ZFHX3: variants seen among roughly 807,000 people sequenced by gnomAD.
The protein encoded by ZFHX3 is zinc finger homeobox 3, also known as zinc finger homeobox protein 3.
Under a neutral mutation model 279.1 loss-of-function variants are expected in ZFHX3, and 42 were observed. The ratio of observed to expected loss-of-function variants is 0.15; its 90% confidence interval spans 0.12 to 0.19. ZFHX3 has a LOEUF of 0.19. Ranked by LOEUF, ZFHX3 falls within the 10% of genes least tolerant of loss-of-function variation. The probability of loss-of-function intolerance (pLI) is 1.00; values close to 1 mark genes in which losing one functional copy is unlikely to be tolerated. For synonymous variants in ZFHX3, 2,293 were observed against 1,957.8 expected (o/e 1.17, Z -4.52); for missense variants, 4,981 against 4,754.0 (o/e 1.05, Z -1.40).
chr16:73,437,775 T>G (rs1241431891), intron 3 of ZFHX3, among the ~76,000 whole-genome samples: 1 of 152,218 alleles, frequency 6.6e-6, no homozygotes, highest in Non-Finnish European at 1.5e-5. Context: ...GTGGGAAATA[T>G]TAATCAAAAG....
intron 2 of ZFHX3, among the ~76,000 whole-genome samples, chr16:73,566,948 C>G (rs1387113674): frequency 2.6e-5 from 4 of 152,194 alleles, no homozygotes; most frequent in Non-Finnish European, 5.9e-5. Context: ...ATCCGCCTGC[C>G]TTGGCCTCCC....
intron 5 of ZFHX3, among the ~76,000 whole-genome samples, chr16:72,816,720 A>G (rs1419831322): frequency 6.6e-6 from 1 of 152,206 alleles, no homozygotes. Context: ...TAAAACTCAC[A>G]AAGACAAATA....
chr16:73,146,066 C>T (rs551490928), intron 5 of ZFHX3, among the ~76,000 whole-genome samples: 1 of 152,090 alleles, frequency 6.6e-6, no homozygotes, highest in East Asian at 1.9e-4. Context: ...GGAAGAATTC[C>T]AAAATTTCCC....
At chr16:73,758,749 T>G (rs1286631292) in intron 1 of ZFHX3, among the ~76,000 whole-genome samples, 1 of 152,224 alleles carries the variant, frequency 6.6e-6, no homozygotes, top group Non-Finnish European at 1.5e-5. Flanking sequence ...TCTCCTTTGC[T>G]TGTCCATAGC....
intron 1 of ZFHX3, among the ~76,000 whole-genome samples, chr16:73,842,917 C>T (rs1331288460): frequency 6.6e-6 from 1 of 152,152 alleles, no homozygotes; most frequent in Non-Finnish European, 1.5e-5. Context: ...TTTTCTAACA[C>T]TTATTTTTCT....
chr16:73,141,398 ATT>A (rs34599739), intron 6 of ZFHX3, among the ~76,000 whole-genome samples: 6 of 144,644 alleles, frequency 4.1e-5, no homozygotes, highest in African/African-American at 1.3e-4. Context: ...TCTTTAAATA[ATT>A]TTTTTTTTTT....
chr16:73,875,996 T>C (rs1268760663), intron 1 of ZFHX3, among the ~76,000 whole-genome samples: 7 of 152,234 alleles, frequency 4.6e-5, no homozygotes, highest in Non-Finnish European at 8.8e-5. Context: ...TTAGCCATAG[T>C]AATATTTAAA....
At position 73,359,636 on chromosome 16, in the gene ZFHX3, A is replaced by T. The variant is rs113584258; in HGVS notation, c.-1290-41300T>A. Reference sequence around the variant, plus strand: ...AAGGAAAGGCCCCATGTGGGGATGGAGAGGCCAGCCCTGCCGGACCAGCTG... The same window carrying T: ...AAGGAAAGGCCCCATGTGGGGATGGTGAGGCCAGCCCTGCCGGACCAGCTG... On this transcript the variant is annotated intron_variant, in intron 3 of 17. Coordinates refer to the ZFHX3 transcript ENST00000641206. Among the ~76,000 whole-genome samples, 240 of 152,292 alleles carry T rather than the reference A, an allele frequency of 1.6e-3. 2 individuals carry two copies. Among genetic ancestry groups the T allele is most frequent in the African/African-American group, 5.2e-3 (217 of 41,562 alleles).
chr16:73,336,919 T>G (rs1273706024), intron 3 of ZFHX3, among the ~76,000 whole-genome samples: 2 of 152,050 alleles, frequency 1.3e-5, no homozygotes, highest in Non-Finnish European at 1.5e-5. Context: ...ACCATTTACC[T>G]ATAAGAGCAC....
At chr16:73,127,876 GTGAACA>G (rs1229198495) in intron 7 of ZFHX3, among the ~76,000 whole-genome samples, 2 of 152,300 alleles carry the variant, frequency 1.3e-5, no homozygotes, top group East Asian at 1.9e-4. Context: ...TGAATTAGAT[GTGAACA>G]TGTAACTTGT....
chr16:73,163,873 G>A (rs1967299618), intron 5 of ZFHX3, among the ~76,000 whole-genome samples: 2 of 152,140 alleles, frequency 1.3e-5, no homozygotes, highest in Non-Finnish European at 2.9e-5. Flanking sequence ...TTTAACTGAA[G>A]CTGTATGTTT....
intron 1 of ZFHX3, among the ~76,000 whole-genome samples, chr16:73,857,399 C>T (rs1961761362): frequency 6.6e-6 from 1 of 152,226 alleles, no homozygotes; most frequent in African/African-American, 2.4e-5. Context: ...TTTATAAAGA[C>T]TCCAAGTCCT....
intron 7 of ZFHX3, among the ~76,000 whole-genome samples, chr16:72,804,515 G>T (rs189609441): frequency 1.3e-5 from 2 of 152,144 alleles, no homozygotes; most frequent in African/African-American, 4.8e-5. Flanking sequence ...AACTGCCCTT[G>T]ATCTACTAGG....
At chr16:73,093,837 G>A (rs760943943) in intron 7 of ZFHX3, 9 of 275,816 alleles carry the variant, frequency 3.3e-5, no homozygotes, top group Non-Finnish European at 5.1e-5. Flanking sequence ...GAAGCGAGGC[G>A]GGAAAAGAAA....
intron 2 of ZFHX3, among the ~76,000 whole-genome samples, chr16:73,481,219 C>T (rs903516147): frequency 6.6e-6 from 1 of 152,002 alleles, no homozygotes. Context: ...ATCCCAGCTA[C>T]TTGGAAGGCT....
intron 8 of ZFHX3, among the ~76,000 whole-genome samples, chr16:73,068,557 T>C (rs8051826): frequency 0.17 from 25,958 of 152,212 alleles, 2,919 homozygotes; most frequent in African/African-American, 0.29. Context: ...GGTGTGCCCC[T>C]TGGTTTTCCA....
chr16:72,971,130 G>C (rs529364889), intron 1 of ZFHX3, among the ~76,000 whole-genome samples: 12 of 152,194 alleles, frequency 7.9e-5, no homozygotes, highest in African/African-American at 2.9e-4. Context: ...ACCTAATTTA[G>C]TATGAAATTT....
chr16:73,784,345 G>A (rs2142307305), intron 1 of ZFHX3, among the ~76,000 whole-genome samples: 1 of 152,000 alleles, frequency 6.6e-6, no homozygotes, highest in South Asian at 2.1e-4. Context: ...CATATCTAGT[G>A]CCTGACACCT....
chr16:73,251,977 A>ACACACC (rs2013521545), intron 5 of ZFHX3, among the ~76,000 whole-genome samples: 1 of 89,326 alleles, frequency 1.1e-5, no homozygotes, highest in African/African-American at 7.3e-5. Flanking sequence ...ACACACACAT[A>ACACACC]ACACATCACA....
Sources: allele counts gnomAD v4.1 joint callset (sites outside exome capture counted in the v4.1 genomes callset), GRCh38; gene constraint gnomAD v4.1.1; transcripts MANE v1.5; gene names NCBI Gene and HGNC (gene_info 2026-07-23, HGNC 2026-07-21).